Variants in PTPRS observed in about 807,000 individuals in gnomAD.
PTPRS encodes the protein receptor-type tyrosine-protein phosphatase S.
A neutral mutation model predicts 215.3 loss-of-function variants in PTPRS; 63 were observed. That is an observed-to-expected ratio of 0.29 (90% CI 0.24 to 0.36). The LOEUF (loss-of-function observed/expected upper bound fraction) is 0.36. Ranked by LOEUF, PTPRS falls within the 10% of genes least tolerant of loss-of-function variation. The pLI is 1.00. For synonymous variants in PTPRS, 1,404 were observed against 1,191.4 expected, an observed-to-expected ratio of 1.18 and a Z score of -3.68; for missense variants, 2,258 against 2,825.8, an observed-to-expected ratio of 0.80 and a Z score of 4.56.
intron 1 of PTPRS, among the ~76,000 whole-genome samples, chr19:5,318,631 T>C (rs1011932200): frequency 4.6e-5 from 7 of 152,158 alleles, no homozygotes; most frequent in Non-Finnish European, 5.9e-5. Flanking sequence ...ACTGCAGATA[T>C]TATCTTGGTG....
Position 5,274,283 on chromosome 19 carries a change from A to G in PTPRS, c.153T>C (p.Ser51=). ...GGTCACCCGTGGCCTGACACACGAAAGAGGCCACACCCCCCGACACGCCGA... is the reference window on the plus strand; with the variant it reads ...GGTCACCCGTGGCCTGACACACGAAGGAGGCCACACCCCCCGACACGCCGA... The part of the protein sequence containing the change: ...DQIGVSGGVA[S]FVCQATGDPK... Residue 51 remains serine, a synonymous_variant, in exon 3 of 38, where the codon TCT becomes TCC. Transcript: ENST00000262963. The G allele has an allele frequency of 1.2e-6, 2 of 1,613,784 alleles. No individual in the cohort carries two copies. The highest frequency in any genetic ancestry group is 1.7e-6 in the Non-Finnish European group (2 of 1,179,914).
At position 5,244,352 on chromosome 19, in the gene PTPRS, G is replaced by A. The variant is rs373004499; in HGVS notation, c.1119C>T (p.Asp373=). 2.4e-5 allele frequency: 39 copies of A among 1,614,216 alleles called. No individual in the cohort carries two copies. Among genetic ancestry groups the A allele is most frequent in the East Asian group, 4.5e-5 (2 of 44,886 alleles). Residue 373 remains aspartate, a synonymous_variant, in exon 11 of 38, where the codon GAC becomes GAT. Coordinates refer to ENST00000262963, the MANE Select transcript of PTPRS (RefSeq NM_002850.4). The surrounding 1 kb of genome is among the most constrained non-coding windows in gnomAD (Gnocchi z 7.2). The part of the protein sequence containing the change: ...YVIEYKSKSQ[D]GPYQIKEDIT... ...TGTCCTCTTTAATCTGATACGGCCC[G>A]TCTTGGCTCTTGGATTTATATTCGA...
intron 7 of PTPRS, among the ~76,000 whole-genome samples, chr19:5,259,898 G>A (rs1428795968): frequency 6.6e-6 from 1 of 152,194 alleles, no homozygotes; most frequent in East Asian, 1.9e-4. Flanking sequence ...GAGGTTCTGG[G>A]AAGCAGGCAG....
At chr19:5,250,805 G>T (rs940745110) in intron 9 of PTPRS, among the ~76,000 whole-genome samples, 1 of 151,846 alleles carries the variant, frequency 6.6e-6, no homozygotes, top group Non-Finnish European at 1.5e-5. Context: ...AAAAAAGGGG[G>T]TTGGGAGTGG....
chr19:5,292,890 G>T (rs1023578406), intron 1 of PTPRS: 2 of 152,078 alleles, frequency 1.3e-5, no homozygotes, highest in Non-Finnish European at 1.5e-5. Context: ...GGGGCCAGGC[G>T]GGGGAGGGGA....
chr19:5,310,128 C>A (rs1186232242), intron 1 of PTPRS, among the ~76,000 whole-genome samples: 1 of 152,154 alleles, frequency 6.6e-6, no homozygotes, highest in East Asian at 1.9e-4. Flanking sequence ...CAGGTGCGGT[C>A]CTGCCTCAGG....
intron 2 of PTPRS, among the ~76,000 whole-genome samples, 158 bp downstream of exon 2, chr19:5,285,892 C>T (rs1281238791): frequency 6.6e-6 from 1 of 152,206 alleles, no homozygotes; most frequent in African/African-American, 2.4e-5. Context: ...GCACACAGTC[C>T]TCAGCATTCA....
Position 5,223,031 on chromosome 19 carries a change from G to A in PTPRS, c.2761C>T (p.Leu921=), listed in dbSNP as rs1484421567. The A allele has an allele frequency of 1.9e-6, 3 of 1,546,694 alleles. No individual in the cohort carries two copies. The highest frequency in any genetic ancestry group is 2.6e-6 in the Non-Finnish European group (3 of 1,147,622). The stretch of plus-strand genomic sequence containing the variant: ...CGGGGCGTGTCCTCCGGGATGCTCA[G>A]GACCTCGGCTGCCTCCTCGCCCAGG... The part of the protein sequence containing the change: ...GGLGEEAAEV[L]SIPEDTPRGH... The change falls in exon 18 of 38, where the codon CTG becomes TTG. Residue 921 remains leucine (L), a synonymous_variant. Transcript: ENST00000262963.
intron 13 of PTPRS, among the ~76,000 whole-genome samples, chr19:5,232,600 G>A (rs1273309456): frequency 6.7e-6 from 1 of 149,146 alleles, no homozygotes; most frequent in Non-Finnish European, 1.5e-5. Context: ...CATACCAAGG[G>A]GAATGGCAAC....
intron 13 of PTPRS, among the ~76,000 whole-genome samples, chr19:5,235,480 A>G (rs2043366854): frequency 6.6e-6 from 1 of 152,184 alleles, no homozygotes; most frequent in African/African-American, 2.4e-5. Flanking sequence ...CACCCTTTCA[A>G]ACTGATAATG....
At chr19:5,207,878 G>C (rs376613782) in intron 37 of PTPRS, 44 bp downstream of exon 37, 36 of 1,602,856 alleles carry the variant, frequency 2.2e-5, no homozygotes, top group Non-Finnish European at 2.7e-5. Flanking sequence ...AGGGGCAGTC[G>C]GGGCGTGAGG....
At chr19:5,221,690 C>T (rs1905537146) in intron 19 of PTPRS, among the ~76,000 whole-genome samples, 1 of 152,132 alleles carries the variant, frequency 6.6e-6, no homozygotes, top group South Asian at 2.1e-4. Context: ...AGGCTGACCC[C>T]CGATCCCAGA....
intron 9 of PTPRS, among the ~76,000 whole-genome samples, chr19:5,249,138 C>T (rs982528318): frequency 2.6e-5 from 4 of 152,114 alleles, no homozygotes; most frequent in Non-Finnish European, 5.9e-5. Context: ...TGGCAAAATC[C>T]CATCTCTACT....
intron 2 of PTPRS, among the ~76,000 whole-genome samples, chr19:5,280,787 C>T (rs1055580674): frequency 1.4e-5 from 2 of 143,920 alleles, no homozygotes; most frequent in African/African-American, 2.5e-5. Flanking sequence ...CCTCCCTTAA[C>T]TTTTTTTTTT....
chr19:5,218,326 G>A, intron 25 of PTPRS, 94 bp downstream of exon 25: 1 of 991,842 alleles, frequency 1.0e-6, no homozygotes, highest in South Asian at 1.5e-5. Context: ...AGTTCAGAGG[G>A]GGCCAATGAG....
chr19:5,270,323 C>T (rs2046803623), intron 4 of PTPRS, among the ~76,000 whole-genome samples: 1 of 114,370 alleles, frequency 8.7e-6, no homozygotes, highest in South Asian at 3.1e-4. Flanking sequence ...CAGGGTCTTG[C>T]TCTGTCACCC....
chr19:5,316,533 C>A (rs2049881632), intron 1 of PTPRS, among the ~76,000 whole-genome samples: 1 of 152,224 alleles, frequency 6.6e-6, no homozygotes, highest in Non-Finnish European at 1.5e-5. Flanking sequence ...GTTGGGACCA[C>A]AGACTCACGC....
At chr19:5,279,876 G>T (rs2047702267) in intron 2 of PTPRS, among the ~76,000 whole-genome samples, 1 of 151,874 alleles carries the variant, frequency 6.6e-6, no homozygotes, top group African/African-American at 2.4e-5. Context: ...GTAGAGACGG[G>T]GTTTCACCGT....
At chr19:5,239,891 G>C (rs894700514) in intron 12 of PTPRS, among the ~76,000 whole-genome samples, 1 of 152,116 alleles carries the variant, frequency 6.6e-6, no homozygotes, top group African/African-American at 2.4e-5. Context: ...GAGAGTGAGC[G>C]TCAGAGGCAC....
Sources: gnomAD v4.1 joint callset for allele counts (sites outside exome capture counted in the v4.1 genomes callset) on GRCh38, gnomAD v4.1.1 for gene constraint, Gnocchi (gnomAD v3.1) non-coding constraint, MANE v1.5 for transcripts, NCBI Gene and HGNC (gene_info 2026-07-23, HGNC 2026-07-21) for gene names.